TIMP3: variants seen among roughly 807,000 people sequenced by gnomAD.
TIMP3 encodes metalloproteinase inhibitor 3.
In TIMP3, 11 loss-of-function variants were observed where a neutral mutation model predicts 30.0. The ratio of observed to expected loss-of-function variants is 0.37; its 90% confidence interval spans 0.23 to 0.61. The LOEUF is 0.61. Among genes scored for constraint, TIMP3 ranks in the 20% least tolerant of loss-of-function variants. TIMP3 has a pLI of 0.70. For missense variants in TIMP3, 181 were observed against 276.8 expected (o/e 0.65, Z 2.45); for synonymous variants, 112 against 111.3 (o/e 1.01, Z -0.04).
intron 1 of TIMP3, among the ~76,000 whole-genome samples, chr22:32,831,048 C>G (rs1224041210): frequency 6.6e-6 from 1 of 152,114 alleles, no homozygotes; most frequent in Non-Finnish European, 1.5e-5. Flanking sequence ...AATATTCCTT[C>G]TATTTCAAAA....
chr22:32,841,530 G>A (rs2047901849), intron 1 of TIMP3, among the ~76,000 whole-genome samples: 1 of 152,162 alleles, frequency 6.6e-6, no homozygotes, highest in South Asian at 2.1e-4. Context: ...CCCGGGTGCA[G>A]GGAAGGCCTG....
chr22:32,825,032 C>T (rs565773248), intron 1 of TIMP3, among the ~76,000 whole-genome samples: 6 of 152,234 alleles, frequency 3.9e-5, no homozygotes, highest in East Asian at 1.9e-4. Context: ...ACTTTGAAAT[C>T]GCAGGCTGGG....
At chr22:32,810,807 A>G (rs1008373443) in intron 1 of TIMP3, among the ~76,000 whole-genome samples, 4 of 152,082 alleles carry the variant, frequency 2.6e-5, no homozygotes, top group African/African-American at 9.7e-5. Context: ...GAGGTGTTTG[A>G]CTAAGGTGTT....
chr22:32,859,237 A>T lies in TIMP3; in HGVS notation c.496A>T (p.Thr166Ser). 1 of 1,614,158 alleles carries T rather than the reference A, an allele frequency of 6.2e-7. No individual in the cohort carries two copies. Residue 166 changes from threonine (T) to serine (S), a missense_variant, in exon 5 of 5, where the codon ACC becomes TCC. By Grantham distance (58) the Thr-to-Ser change is moderately conservative. Transcript: ENST00000266085. ...FVTSKNECLW[T>S]DMLSNFGYPG... Reference sequence around the variant, plus strand: ...GACTTCCAAGAACGAGTGTCTCTGGACCGACATGCTCTCCAATTTCGGTTA... The same window carrying T: ...GACTTCCAAGAACGAGTGTCTCTGGTCCGACATGCTCTCCAATTTCGGTTA...
chr22:32,803,035 T>C lies in TIMP3; in HGVS notation c.121+913T>C, dbSNP rs554540066. Among the ~76,000 whole-genome samples the C allele has an allele frequency of 2.5e-3, 375 of 152,180 alleles. 3 individuals are homozygous for C. Among genetic ancestry groups the C allele is most frequent in the African/African-American group, 8.4e-3 (350 of 41,516 alleles). ...CCGAGAGCATCCTGGGAGGCTTGTC[T>C]GGGAGTGTTTGGGACACTTGTGTTT... On this transcript the variant is annotated intron_variant, in intron 1 of 4. Coordinates refer to ENST00000266085, the MANE Select transcript of TIMP3 (RefSeq NM_000362.5).
At chr22:32,859,071 G>C in intron 4 of TIMP3, 109 bp from the exon 5 acceptor site, 1 of 1,020,674 alleles carries the variant, frequency 9.8e-7, no homozygotes, top group Non-Finnish European at 1.6e-6. Flanking sequence ...GACTGATGTG[G>C]CTAGGCTTCC....
At chr22:32,829,087 C>A (rs959508888) in intron 1 of TIMP3, among the ~76,000 whole-genome samples, 1 of 152,130 alleles carries the variant, frequency 6.6e-6, no homozygotes, top group African/African-American at 2.4e-5. Context: ...CCATTTCTAC[C>A]CTCAGAGGGT....
At chr22:32,815,159 C>A (rs2047054830) in intron 1 of TIMP3, among the ~76,000 whole-genome samples, 1 of 152,236 alleles carries the variant, frequency 6.6e-6, no homozygotes, top group Admixed American at 6.5e-5. Context: ...TTCCCCTCCC[C>A]ATTTCTAGTT....
chr22:32,850,868 G>A (rs1261852135), intron 2 of TIMP3, among the ~76,000 whole-genome samples: 3 of 152,168 alleles, frequency 2.0e-5, no homozygotes, highest in Admixed American at 6.5e-5. Flanking sequence ...GAGGAGTGAC[G>A]CAGCCCACGG....
At chr22:32,806,245 A>G (rs2046732341) in intron 1 of TIMP3, among the ~76,000 whole-genome samples, 1 of 152,116 alleles carries the variant, frequency 6.6e-6, no homozygotes, top group African/African-American at 2.4e-5. Context: ...CCCCTCTGAC[A>G]GTTCTGTGTC....
intron 1 of TIMP3, among the ~76,000 whole-genome samples, chr22:32,823,815 C>T (rs769948676): frequency 1.3e-5 from 2 of 152,148 alleles, no homozygotes; most frequent in Non-Finnish European, 2.9e-5. Context: ...AGGCAAGTCA[C>T]TCTGCCTCCA....
At chr22:32,829,960 C>T (rs549829265) in intron 1 of TIMP3, among the ~76,000 whole-genome samples, 33 of 152,338 alleles carry the variant, frequency 2.2e-4, no homozygotes, top group African/African-American at 7.7e-4. Context: ...GGGCCTCTCT[C>T]TGCATTGCTC....
intron 1 of TIMP3, among the ~76,000 whole-genome samples, chr22:32,822,741 G>A (rs924103283): frequency 3.3e-5 from 5 of 152,212 alleles, no homozygotes; most frequent in Admixed American, 6.5e-5. Context: ...GTCAAAGGAG[G>A]TGGGTGTGGC....
chr22:32,859,259 G>A lies in TIMP3; in HGVS notation c.518G>A (p.Gly173Asp). The change falls in exon 5 of 5, where the codon GGT becomes GAT. Residue 173 changes from glycine (G) to aspartate (D), a missense_variant. By Grantham distance (94) the Gly-to-Asp change is moderately conservative. Transcript: ENST00000266085. ...CLWTDMLSNFGYPGYQSKHYA... is the reference protein window; with the variant it reads ...CLWTDMLSNFDYPGYQSKHYA... Reference sequence around the variant, plus strand: ...TGGACCGACATGCTCTCCAATTTCGGTTACCCTGGCTACCAGTCCAAACAC... The same window carrying A: ...TGGACCGACATGCTCTCCAATTTCGATTACCCTGGCTACCAGTCCAAACAC... 2 of 1,614,174 alleles carry A rather than the reference G, an allele frequency of 1.2e-6. No homozygotes were observed. Among genetic ancestry groups the A allele is most frequent in the Non-Finnish European group, 8.5e-7 (1 of 1,180,026 alleles).
intron 1 of TIMP3, among the ~76,000 whole-genome samples, chr22:32,841,873 C>G (rs1040861990): frequency 6.6e-6 from 1 of 152,068 alleles, no homozygotes; most frequent in African/African-American, 2.4e-5. Flanking sequence ...AAAAAAAGTT[C>G]ATGAGAGTTC....
chr22:32,802,202 C>CT, intron 1 of TIMP3, 80 bp downstream of exon 1: 1 of 1,513,248 alleles, frequency 6.6e-7, no homozygotes, highest in Admixed American at 2.0e-5. Flanking sequence ...GGGCGAGCCC[C>CT]ACTCCTTTCC....
At chr22:32,828,755 C>T (rs527802981) in intron 1 of TIMP3, among the ~76,000 whole-genome samples, 3 of 152,318 alleles carry the variant, frequency 2.0e-5, no homozygotes, top group Admixed American at 6.5e-5. Flanking sequence ...TGAGCTCTTT[C>T]CTTCCCTGTG....
At chr22:32,813,331 T>A (rs913223279) in intron 1 of TIMP3, among the ~76,000 whole-genome samples, 1 of 152,166 alleles carries the variant, frequency 6.6e-6, no homozygotes, top group Non-Finnish European at 1.5e-5. Flanking sequence ...AGAGTGGCAG[T>A]AACTGTGGTG....
intron 2 of TIMP3, among the ~76,000 whole-genome samples, chr22:32,851,611 C>T (rs1466007626): frequency 3.3e-5 from 5 of 152,150 alleles, no homozygotes; most frequent in Non-Finnish European, 7.4e-5. Context: ...TAGGATCCCT[C>T]GTCTTACTTC....
Sources: gnomAD v4.1 joint callset for allele counts (sites outside exome capture counted in the v4.1 genomes callset) on GRCh38, gnomAD v4.1.1 for gene constraint, MANE v1.5 for transcripts, NCBI Gene and HGNC (gene_info 2026-07-23, HGNC 2026-07-21) for gene names.